HIRA: variants seen among roughly 807,000 people sequenced by gnomAD.
HIRA encodes the protein histone cell cycle regulator, also known as protein HIRA.
A neutral mutation model predicts 126.6 loss-of-function variants in HIRA; 13 were observed. That is an observed-to-expected ratio of 0.10 (90% CI 0.07 to 0.16). HIRA has a LOEUF of 0.16. HIRA is among the 10% of genes least tolerant of loss of function. HIRA has a pLI of 1.00. For missense variants in HIRA, 834 were observed against 1,314.4 expected, an observed-to-expected ratio of 0.63 and a Z score of 5.65; for synonymous variants, 511 against 520.0, an observed-to-expected ratio of 0.98 and a Z score of 0.24.
intron 15 of HIRA, among the ~76,000 whole-genome samples, chr22:19,373,851 G>A (rs893978847): frequency 6.8e-6 from 1 of 147,972 alleles, no homozygotes; most frequent in Non-Finnish European, 1.5e-5. Context: ...GTCTCAAGTC[G>A]ATGTGGTCAT....
intron 15 of HIRA, 75 bp from the exon 16 acceptor site, chr22:19,362,006 G>A (rs2088868723): frequency 6.9e-7 from 1 of 1,439,892 alleles, no homozygotes; most frequent in African/African-American, 1.4e-5. Context: ...AATATTTAAA[G>A]TGCTTAAACA....
At chr22:19,343,571 TACA>T (rs1190903674) in intron 24 of HIRA, among the ~76,000 whole-genome samples, 1 of 151,912 alleles carries the variant, frequency 6.6e-6, no homozygotes, top group Non-Finnish European at 1.5e-5. Context: ...TCCAAAAATC[TACA>T]ACATCGTGGA....
chr22:19,398,966 C>G, intron 5 of HIRA: 1 of 240,724 alleles, frequency 4.2e-6, no homozygotes, highest in Non-Finnish European at 6.7e-6. Flanking sequence ...AAGACCCTGT[C>G]TCAAAAAACA....
At chr22:19,356,827 G>A (rs2088816680) in intron 19 of HIRA, 63 bp downstream of exon 19, 11 of 1,508,478 alleles carry the variant, frequency 7.3e-6, no homozygotes, top group Non-Finnish European at 1.0e-5. Context: ...GCAGTGAGGT[G>A]GGGCCTACAC....
At chr22:19,397,947 C>T (rs779877569) in intron 6 of HIRA, 45 bp downstream of exon 6, 2 of 1,443,730 alleles carry the variant, frequency 1.4e-6, no homozygotes, top group South Asian at 1.2e-5. Flanking sequence ...CAGAAACTGA[C>T]AGGCAGTACT....
At chr22:19,414,528 G>A (rs1290106291) in intron 1 of HIRA, among the ~76,000 whole-genome samples, 1 of 152,204 alleles carries the variant, frequency 6.6e-6, no homozygotes, top group Non-Finnish European at 1.5e-5. Flanking sequence ...GGGTAGAGCT[G>A]ACTGGAACAC....
intron 10 of HIRA, 63 bp from the exon 11 acceptor site, chr22:19,387,879 T>G (rs988162321): frequency 8.9e-7 from 1 of 1,127,378 alleles, no homozygotes; most frequent in Middle Eastern, 2.1e-4. Flanking sequence ...TGTGCCGCAG[T>G]AGCTGGCCTG....
At chr22:19,375,593 C>G (rs773505876) in intron 15 of HIRA, 38 bp downstream of exon 15, 43 of 1,608,824 alleles carry the variant, frequency 2.7e-5, no homozygotes, top group Admixed American at 5.0e-5. Flanking sequence ...ATGCCTGCAC[C>G]CTGCCTGGTC....
intron 1 of HIRA, among the ~76,000 whole-genome samples, chr22:19,415,440 A>G (rs1444784021): frequency 1.3e-5 from 2 of 152,244 alleles, no homozygotes; most frequent in African/African-American, 4.8e-5. Context: ...AATCAAAGAC[A>G]CAAATAAATG....
intron 24 of HIRA, among the ~76,000 whole-genome samples, chr22:19,341,079 G>A (rs2088622621): frequency 2.0e-5 from 3 of 152,122 alleles, no homozygotes; most frequent in Non-Finnish European, 4.4e-5. Context: ...ACTTTGGGAG[G>A]CTAAGGTAGG....
intron 3 of HIRA, among the ~76,000 whole-genome samples, chr22:19,407,771 C>T (rs1010930725): frequency 6.6e-6 from 1 of 152,184 alleles, no homozygotes; most frequent in African/African-American, 2.4e-5. Context: ...TTTCCAAACT[C>T]GCCAGCACTG....
chr22:19,345,945 A>G (rs1465406887), intron 24 of HIRA, among the ~76,000 whole-genome samples: 1 of 152,262 alleles, frequency 6.6e-6, no homozygotes, highest in Non-Finnish European at 1.5e-5. Context: ...GTGCACTGGC[A>G]GCTCAAATCA....
chr22:19,338,408 G>GAA (rs35862265), intron 24 of HIRA, among the ~76,000 whole-genome samples: 1 of 141,452 alleles, frequency 7.1e-6, no homozygotes, highest in African/African-American at 2.6e-5. Flanking sequence ...ATAACAAAAT[G>GAA]AAAAAAAAAA....
intron 24 of HIRA, among the ~76,000 whole-genome samples, chr22:19,343,276 G>A (rs2088651336): frequency 6.6e-6 from 1 of 152,160 alleles, no homozygotes; most frequent in African/African-American, 2.4e-5. Flanking sequence ...AAGAGGCCAG[G>A]TGCAGTGGCT....
chr22:19,401,119 G>C (rs2089265011), intron 5 of HIRA, among the ~76,000 whole-genome samples: 1 of 151,926 alleles, frequency 6.6e-6, no homozygotes, highest in South Asian at 2.1e-4. Flanking sequence ...TGTTTTTTGA[G>C]TACTCTCCAA....
At chr22:19,406,367 AT>A in intron 4 of HIRA, among the ~76,000 whole-genome samples, 2 of 152,306 alleles carry the variant, frequency 1.3e-5, no homozygotes, top group African/African-American at 4.8e-5. Flanking sequence ...AATCAACAGT[AT>A]TTTATTTTTA....
chr22:19,396,631 C>G lies in HIRA; in HGVS notation c.654+156G>C, dbSNP rs1276664643. On this transcript the variant is annotated intron_variant, in intron 7 of 24. Transcript: ENST00000263208. ...TTATCTGACTCTTAGGGCCAGAGTC[C>G]CACCCCAGAGAGCCTTGGTGAATCC... 2.0e-5 allele frequency among the ~76,000 whole-genome samples: 3 copies of G among 152,208 alleles called. No individual in the cohort carries two copies. The East Asian group carries it at 5.8e-4, about 29-fold the overall frequency.
At chr22:19,412,331 A>G (rs969738518) in intron 1 of HIRA, among the ~76,000 whole-genome samples, 1 of 152,214 alleles carries the variant, frequency 6.6e-6, no homozygotes, top group Non-Finnish European at 1.5e-5. Flanking sequence ...GAGCCATCCC[A>G]GCAGATTCCA....
intron 24 of HIRA, among the ~76,000 whole-genome samples, chr22:19,346,114 G>A (rs1264956558): frequency 6.6e-6 from 1 of 152,228 alleles, no homozygotes; most frequent in African/African-American, 2.4e-5. Flanking sequence ...TCTTGGGAGG[G>A]CTGCTGAGTC....
Sources: gnomAD v4.1 joint callset for allele counts (sites outside exome capture counted in the v4.1 genomes callset) on GRCh38, gnomAD v4.1.1 for gene constraint, MANE v1.5 for transcripts, NCBI Gene and HGNC (gene_info 2026-07-23, HGNC 2026-07-21) for gene names.